Variants in UPF2 observed in about 807,000 individuals in gnomAD.
The protein encoded by UPF2 is UPF2 regulator of nonsense mediated mRNA decay.
UPF2 carries 17 observed loss-of-function variants against 141.4 expected under a neutral mutation model. That is an observed-to-expected ratio of 0.12 (90% CI 0.08 to 0.18). The LOEUF is 0.18. Among genes scored for constraint, UPF2 ranks in the 10% least tolerant of loss-of-function variants. UPF2 has a pLI of 1.00. For missense variants in UPF2, 1,152 were observed against 1,515.9 expected, an observed-to-expected ratio of 0.76 and a Z score of 3.99; for synonymous variants, 540 against 498.0, an observed-to-expected ratio of 1.08 and a Z score of -1.12.
chr10:12,038,942 C>A (rs949844820), intron 1 of UPF2, among the ~76,000 whole-genome samples: 6 of 152,068 alleles, frequency 3.9e-5, no homozygotes, highest in African/African-American at 1.4e-4. Flanking sequence ...GCTAGGATTA[C>A]AGGTATAAGC....
intron 9 of UPF2, among the ~76,000 whole-genome samples, chr10:11,977,664 A>G (rs996172386): frequency 6.6e-5 from 10 of 152,188 alleles, no homozygotes; most frequent in Admixed American, 6.5e-4. Flanking sequence ...TCTTTGTACA[A>G]TGGGATTAAA....
intron 3 of UPF2, among the ~76,000 whole-genome samples, chr10:12,022,906 AT>A (rs1007768998): frequency 3.9e-5 from 6 of 151,972 alleles, no homozygotes; most frequent in African/African-American, 1.5e-4. Flanking sequence ...TTCTACTTAA[AT>A]TTTTTTTCCT....
chr10:11,967,092 T>C (rs763045040), intron 10 of UPF2, among the ~76,000 whole-genome samples: 3 of 152,238 alleles, frequency 2.0e-5, no homozygotes, highest in Non-Finnish European at 4.4e-5. Flanking sequence ...TCAAGTTTTA[T>C]ATTTTTAAGG....
intron 11 of UPF2, among the ~76,000 whole-genome samples, chr10:11,963,123 A>G (rs908367804): frequency 5.9e-5 from 9 of 152,122 alleles, no homozygotes; most frequent in Admixed American, 3.3e-4. Flanking sequence ...CTATCAAGCC[A>G]TTAGGGGAGA....
intron 6 of UPF2, among the ~76,000 whole-genome samples, chr10:12,000,466 T>C (rs1404536903): frequency 4.6e-5 from 7 of 152,058 alleles, no homozygotes; most frequent in African/African-American, 1.7e-4. Context: ...AAAGCAATAT[T>C]GACAGAAGGT....
intron 10 of UPF2, among the ~76,000 whole-genome samples, chr10:11,966,461 G>T (rs1167580088): frequency 6.6e-6 from 1 of 151,716 alleles, no homozygotes; most frequent in South Asian, 2.1e-4. Flanking sequence ...TTTCACTCTT[G>T]TTACCCAGAC....
upstream of UPF2, chr10:12,042,952 A>C (rs1162604712): frequency 6.6e-6 from 1 of 151,090 alleles, no homozygotes; most frequent in African/African-American, 2.4e-5. The surrounding 1 kb of genome is among the most constrained non-coding windows in gnomAD (Gnocchi z 5.5). Flanking sequence ...GGGCGGAAGG[A>C]GGCGAGAGGG....
rs58106776 is a variant in UPF2 at position 11,938,853 on chromosome 10, G to GTTTTTTTTTTTTT, written c.3379-2154_3379-2142dup. On this transcript the variant is annotated intron_variant, in intron 18 of 21. Transcript: ENST00000357604. The stretch of plus-strand genomic sequence containing the variant: ...GTGGTCTTAAGCAAGTTTTTTTTTT[G>GTTTTTTTTTTTTT]TTTTTTTTTTTTTTTTTTTTTTTTT... 9.8e-3 allele frequency among the ~76,000 whole-genome samples: 780 copies of GTTTTTTTTTTTTT among 79,826 alleles called. 178 individuals carry two copies. Among genetic ancestry groups the GTTTTTTTTTTTTT allele is most frequent in the Non-Finnish European group, 0.013 (541 of 42,776 alleles). The allele number at this position is 79,826 out of a possible 152,430, so 52.4% of individuals were successfully genotyped here.
chr10:11,951,063 ATTTAC>A (rs1250742074), intron 15 of UPF2, among the ~76,000 whole-genome samples: 1 of 152,018 alleles, frequency 6.6e-6, no homozygotes, highest in African/African-American at 2.4e-5. Context: ...CTTTTTATTT[ATTTAC>A]TTTATTTTTT....
Position 11,935,695 on chromosome 10 carries a change from C to A in UPF2, c.3546+850G>T, listed in dbSNP as rs912843749. Among the ~76,000 whole-genome samples, 3 of 152,212 alleles carry A rather than the reference C, an allele frequency of 2.0e-5. No homozygotes were observed. Among genetic ancestry groups the A allele is most frequent in the Non-Finnish European group, 4.4e-5 (3 of 68,042 alleles). On this transcript the variant is annotated intron_variant, in intron 19 of 21. Transcript: ENST00000357604. The surrounding 1 kb of genome is among the most constrained non-coding windows in gnomAD (Gnocchi z 4.9). Reference sequence around the variant, plus strand: ...AAATATGTGCGTTTGTCTCTCTGCTCTCTCAGTAGGAGATAAGTTCCACAA... The same window carrying A: ...AAATATGTGCGTTTGTCTCTCTGCTATCTCAGTAGGAGATAAGTTCCACAA...
At chr10:11,973,690 G>T (rs1229205729) in intron 9 of UPF2, among the ~76,000 whole-genome samples, 1 of 152,124 alleles carries the variant, frequency 6.6e-6, no homozygotes, top group Non-Finnish European at 1.5e-5. Context: ...AGATCAGATG[G>T]TTGTAGATGT....
At chr10:11,963,865 T>G (rs1475430725) in intron 11 of UPF2, 144 bp downstream of exon 11, 4 of 580,916 alleles carry the variant, frequency 6.9e-6, no homozygotes, top group Non-Finnish European at 1.2e-5. Flanking sequence ...TTGCAACTCA[T>G]ATGTATGGGA....
At chr10:11,930,044 C>T (rs1460938184) in intron 20 of UPF2, 59 bp from the exon 21 acceptor site, 59 of 1,604,682 alleles carry the variant, frequency 3.7e-5, no homozygotes, top group South Asian at 3.7e-4. Context: ...ACTCCTCCTA[C>T]AGAGTGAACG....
At chr10:12,020,306 C>T (rs905640444) in intron 3 of UPF2, among the ~76,000 whole-genome samples, 2 of 151,234 alleles carry the variant, frequency 1.3e-5, no homozygotes, top group Non-Finnish European at 2.9e-5. Context: ...GGCTGGAGTG[C>T]AATGGCGCAA....
intron 15 of UPF2, 78 bp from the exon 16 acceptor site, chr10:11,948,586 G>T: frequency 1.4e-6 from 2 of 1,429,314 alleles, no homozygotes; most frequent in East Asian, 2.3e-5. Flanking sequence ...ACCAATTCAT[G>T]TAAAAGTATG....
In UPF2 at chr10:11,935,386, G is replaced by A. The variant is rs1349143653; in HGVS notation, c.3546+1159C>T. On this transcript the variant is annotated intron_variant, in intron 19 of 21. Transcript: ENST00000357604. This position sits in a 1 kb window ranked among gnomAD's most constrained non-coding sequence, Gnocchi z 4.9. ...AATAATAAATACTTGTTAAATGACTGTGTAGACGAATGTGGTATTGGACTT... is the reference window on the plus strand; with the variant it reads ...AATAATAAATACTTGTTAAATGACTATGTAGACGAATGTGGTATTGGACTT... Among the ~76,000 whole-genome samples the A allele has an allele frequency of 6.6e-6, 1 of 152,202 alleles. No homozygotes were observed. Among genetic ancestry groups the A allele is most frequent in the African/African-American group, 2.4e-5 (1 of 41,446 alleles).
At chr10:11,923,670 CAAAA>C (rs58541027) in intron 21 of UPF2, among the ~76,000 whole-genome samples, 4 of 106,952 alleles carry the variant, frequency 3.7e-5, no homozygotes, top group Non-Finnish European at 7.1e-5. Flanking sequence ...GACCCCATCT[CAAAA>C]AAAAAAAAAA....
intron 5 of UPF2, among the ~76,000 whole-genome samples, chr10:12,002,435 GA>G (rs1320655064): frequency 3.9e-5 from 6 of 151,952 alleles, no homozygotes; most frequent in Non-Finnish European, 7.4e-5. Flanking sequence ...AGATGAGGGG[GA>G]AAAAAGGCTG....
intron 3 of UPF2, among the ~76,000 whole-genome samples, chr10:12,028,429 T>C (rs147541821): frequency 6.6e-6 from 1 of 152,188 alleles, no homozygotes; most frequent in East Asian, 1.9e-4. Flanking sequence ...GCAGGTAAGT[T>C]TAAGTGACAG....
Sources: allele counts gnomAD v4.1 joint callset (sites outside exome capture counted in the v4.1 genomes callset), GRCh38; gene constraint gnomAD v4.1.1; non-coding constraint Gnocchi (gnomAD v3.1); transcripts MANE v1.5; gene names NCBI Gene and HGNC (gene_info 2026-07-23, HGNC 2026-07-21).